The following GRIP2 variants were observed in gnomAD, a reference collection of about 807,000 sequenced individuals.
GRIP2 encodes the protein glutamate receptor interacting protein 2, also known as glutamate receptor-interacting protein 2.
GRIP2 carries 58 observed loss-of-function variants against 108.3 expected under a neutral mutation model. The observed-to-expected ratio is 0.54, with a 90% confidence interval of 0.43 to 0.67. The LOEUF (loss-of-function observed/expected upper bound fraction) is 0.67. Ranked by LOEUF, GRIP2 falls within the 30% of genes least tolerant of loss-of-function variation. GRIP2 has a pLI of 0.00. For missense variants in GRIP2, 1,278 were observed against 1,430.6 expected (o/e 0.89, Z 1.72); for synonymous variants, 586 against 598.2 (o/e 0.98, Z 0.30).
chr3:14,593,204 A>G, the GRIP2 span, among the ~76,000 whole-genome samples: 1 of 152,130 alleles, frequency 6.6e-6, no homozygotes, highest in Non-Finnish European at 1.5e-5. Flanking sequence ...GGAGCACAGT[A>G]TTTGTCTCTG....
chr3:14,578,161 C>T, the GRIP2 span, among the ~76,000 whole-genome samples: 2 of 152,172 alleles, frequency 1.3e-5, no homozygotes, highest in East Asian at 1.9e-4. Flanking sequence ...CTGTGGTGAT[C>T]GATAAGCACT....
upstream of GRIP2, among the ~76,000 whole-genome samples, chr3:14,558,932 C>G (rs1313502080): frequency 6.6e-6 from 1 of 152,214 alleles, no homozygotes; most frequent in Non-Finnish European, 1.5e-5. Flanking sequence ...TACGGCTGTC[C>G]TGGGTCAAAT....
intron 1 of GRIP2, among the ~76,000 whole-genome samples, chr3:14,539,014 G>A (rs1428103874): frequency 6.6e-6 from 1 of 152,234 alleles, no homozygotes; most frequent in Non-Finnish European, 1.5e-5. Context: ...TGGGTTGAAA[G>A]AACAGATGTG....
chr3:14,516,524 C>T (rs981150888), intron 11 of GRIP2, among the ~76,000 whole-genome samples: 6 of 152,200 alleles, frequency 3.9e-5, no homozygotes, highest in African/African-American at 1.4e-4. Flanking sequence ...TATTGATTTA[C>T]TTTTCTTAAC....
chr3:14,558,146 A>G (rs1272211520), upstream of GRIP2, among the ~76,000 whole-genome samples: 2 of 152,280 alleles, frequency 1.3e-5, no homozygotes, highest in East Asian at 3.9e-4. Flanking sequence ...TGGTCCTAGG[A>G]ACATCCCTAT....
rs1694124405 is a variant in GRIP2, at chr3:14,512,515, CA to C, written c.1720+261del. Among the ~76,000 whole-genome samples the C allele has an allele frequency of 6.6e-6, 1 of 152,162 alleles. No homozygotes were observed. Among genetic ancestry groups the C allele is most frequent in the South Asian group, 2.1e-4 (1 of 4,828 alleles). On this transcript the variant is annotated intron_variant, in intron 14 of 23. Coordinates refer to ENST00000621039, the MANE Select transcript of GRIP2 (RefSeq NM_001080423.4). The surrounding 1 kb of genome is among the most constrained non-coding windows in gnomAD (Gnocchi z 5.1). ...CCTTCCAATGCTCTCTCACCATGGG[CA>C]CCTCACAAGCCCCCTGGGAGACCCA...
the GRIP2 span, among the ~76,000 whole-genome samples, chr3:14,593,410 G>A: frequency 6.6e-6 from 1 of 152,178 alleles, no homozygotes. Context: ...TTCCGGCAAC[G>A]CAAGAATCAA....
rs1470242446 is a variant in GRIP2 at position 14,512,689 on chromosome 3, T to G, written c.1720+88A>C. Reference sequence around the variant, plus strand: ...TCGGGCCCCGCAGGGTGTCACGCCATGGAAATGCTGGTCTGAGCTTGGCAA... The same window carrying G: ...TCGGGCCCCGCAGGGTGTCACGCCAGGGAAATGCTGGTCTGAGCTTGGCAA... On this transcript the variant is annotated intron_variant, in intron 14 of 23. Coordinates refer to ENST00000621039, the MANE Select transcript of GRIP2 (RefSeq NM_001080423.4). The surrounding 1 kb of genome is among the most constrained non-coding windows in gnomAD (Gnocchi z 5.1). 23 of 1,312,994 alleles carry G rather than the reference T, an allele frequency of 1.8e-5. No individual in the cohort carries two copies. Among genetic ancestry groups the G allele is most frequent in the Non-Finnish European group, 1.4e-5 (13 of 927,144 alleles). The allele number at this position is 1,312,994 out of a possible 1,614,324, so 81.3% of individuals were successfully genotyped here.
At chr3:14,499,686 C>T (rs552864274) in intron 21 of GRIP2, among the ~76,000 whole-genome samples, 1 of 152,056 alleles carries the variant, frequency 6.6e-6, no homozygotes, top group South Asian at 2.1e-4. Flanking sequence ...CGAGCCAAGC[C>T]AAGATCATGC....
At chr3:14,506,774 A>T (rs768202216) in intron 19 of GRIP2, 27 bp downstream of exon 19, 1 of 1,554,748 alleles carries the variant, frequency 6.4e-7, no homozygotes, top group Non-Finnish European at 8.7e-7. Context: ...AGAGCGTGCC[A>T]CTTGTCCAAG....
chr3:14,528,197 A>G (rs1694615187), intron 1 of GRIP2, among the ~76,000 whole-genome samples: 1 of 152,234 alleles, frequency 6.6e-6, no homozygotes, highest in Non-Finnish European at 1.5e-5. Context: ...TACATTTAGC[A>G]TAACCATTTG....
chr3:14,578,720 A>C, the GRIP2 span, among the ~76,000 whole-genome samples: 1 of 141,224 alleles, frequency 7.1e-6, no homozygotes, highest in Non-Finnish European at 1.5e-5. Flanking sequence ...CCATCTCAGA[A>C]AAAAAAAAAA....
At chr3:14,527,247 A>G (rs1575018549) in intron 1 of GRIP2, among the ~76,000 whole-genome samples, 2 of 150,918 alleles carry the variant, frequency 1.3e-5, no homozygotes. Context: ...AAGAAGGAAG[A>G]AAGGGAAGGG....
At chr3:14,509,797 G>A (rs1232501828) in intron 17 of GRIP2, 23 bp downstream of exon 17, 18 of 1,433,984 alleles carry the variant, frequency 1.3e-5, no homozygotes, top group African/African-American at 5.8e-5. Flanking sequence ...CCCACCATGC[G>A]TCCCCACAGA....
intron 9 of GRIP2, among the ~76,000 whole-genome samples, chr3:14,519,881 T>TG (rs5846839): frequency 1 from 152,277 of 152,314 alleles, 76,120 homozygotes; most frequent in Middle Eastern, 1. Context: ...AAACCAGCTT[T>TG]GGGGCATCTA....
At chr3:14,567,599 A>T in the GRIP2 span, among the ~76,000 whole-genome samples, 4 of 152,186 alleles carry the variant, frequency 2.6e-5, no homozygotes, top group African/African-American at 7.2e-5. Flanking sequence ...TAGTCCTCAA[A>T]CAAGGATTTT....
intron 1 of GRIP2, among the ~76,000 whole-genome samples, chr3:14,551,699 G>T (rs6784180): frequency 0.83 from 126,824 of 152,044 alleles, 53,076 homozygotes; most frequent in South Asian, 0.9. Flanking sequence ...CAACCGAGGG[G>T]TCCCTTGGAC....
chr3:14,563,788 G>T, the GRIP2 span, among the ~76,000 whole-genome samples: 1 of 152,152 alleles, frequency 6.6e-6, no homozygotes, highest in Non-Finnish European at 1.5e-5. Flanking sequence ...TGGCATCCAG[G>T]CAGTGGCCAC....
the GRIP2 span, chr3:14,574,347 G>C: frequency 8.7e-5 from 87 of 994,316 alleles, no homozygotes; most frequent in Middle Eastern, 5.4e-4. Context: ...CACCGGCACA[G>C]CGATGCGCTG....
Sources: allele counts gnomAD v4.1 joint callset (sites outside exome capture counted in the v4.1 genomes callset), GRCh38; gene constraint gnomAD v4.1.1; non-coding constraint Gnocchi (gnomAD v3.1); transcripts MANE v1.5; gene names NCBI Gene and HGNC (gene_info 2026-07-23, HGNC 2026-07-21).